The following NALCN variants were observed in gnomAD, a reference collection of about 807,000 sequenced individuals.
NALCN encodes the protein sodium leak channel, non-selective, also known as sodium leak channel NALCN.
In NALCN, 111 loss-of-function variants were observed where a neutral mutation model predicts 225.3. That is an observed-to-expected ratio of 0.49 (90% CI 0.42 to 0.58). The LOEUF (loss-of-function observed/expected upper bound fraction) is 0.58. Among genes scored for constraint, NALCN ranks in the 20% least tolerant of loss-of-function variants. The pLI is 0.00. For missense variants in NALCN, 1,378 were observed against 2,202.4 expected, an observed-to-expected ratio of 0.63 and a Z score of 7.49; for synonymous variants, 764 against 769.0, an observed-to-expected ratio of 0.99 and a Z score of 0.11.
At chr13:101,294,639 G>A (rs1305171888) in intron 7 of NALCN, among the ~76,000 whole-genome samples, 2 of 144,108 alleles carry the variant, frequency 1.4e-5, no homozygotes, top group East Asian at 4.2e-4. Context: ...TGCCGCCAAC[G>A]TACTGGATAT....
At chr13:101,124,186 A>G (rs2036118168) in intron 18 of NALCN, among the ~76,000 whole-genome samples, 1 of 152,212 alleles carries the variant, frequency 6.6e-6, no homozygotes, top group African/African-American at 2.4e-5. Flanking sequence ...TAAGATTGGT[A>G]TACTTTTTAT....
rs763237578 is a variant in NALCN, at chr13:101,068,690, C to T, written c.4330+5G>A. 1 of 1,589,750 alleles carries T rather than the reference C, an allele frequency of 6.3e-7. No individual in the cohort carries two copies. Among genetic ancestry groups the T allele is most frequent in the Non-Finnish European group, 8.5e-7 (1 of 1,169,710 alleles). ...AGTAAAAAGTATTCAACTAACATCA[C>T]TTACCTACAAGCAGATTTAGCATGA... On this transcript the variant is annotated splice_donor_5th_base_variant and intron_variant, in intron 38 of 43. Transcript: ENST00000251127.
At position 101,292,499 on chromosome 13, in the gene NALCN, T is replaced by C. The variant is rs2043590807; in HGVS notation, c.800-133A>G. 1.1e-6 allele frequency: 1 copy of C among 891,772 alleles called. No individual in the cohort carries two copies. The highest frequency in any genetic ancestry group is 1.6e-6 in the Non-Finnish European group (1 of 611,812). The allele number at this position is 891,772 out of a possible 1,614,324, so 55.2% of individuals were successfully genotyped here. On this transcript the variant is annotated intron_variant, in intron 7 of 43. Coordinates refer to ENST00000251127, the MANE Select transcript of NALCN (RefSeq NM_052867.4). This position sits in a 1 kb window ranked among gnomAD's most constrained non-coding sequence, Gnocchi z 4.3. ...AAAGTGCTTCAAAAATTGATTAGAATCACATGCAACACATTTTACTGTTCT... is the reference window on the plus strand; with the variant it reads ...AAAGTGCTTCAAAAATTGATTAGAACCACATGCAACACATTTTACTGTTCT...
chr13:101,134,185 C>CAAACA (rs1566318958), intron 17 of NALCN, among the ~76,000 whole-genome samples: 1 of 150,996 alleles, frequency 6.6e-6, no homozygotes. Context: ...AACAAACAAA[C>CAAACA]AAAAAAAAAG....
intron 10 of NALCN, among the ~76,000 whole-genome samples, chr13:101,266,292 G>GCATAA (rs59666920): frequency 6.6e-6 from 1 of 151,456 alleles, no homozygotes; most frequent in Admixed American, 6.6e-5. Flanking sequence ...GAAATCAGGT[G>GCATAA]GAAGAGATTA....
At chr13:101,239,098 C>T (rs183066907) in intron 11 of NALCN, among the ~76,000 whole-genome samples, 2 of 151,982 alleles carry the variant, frequency 1.3e-5, no homozygotes, top group East Asian at 3.9e-4. Flanking sequence ...CCTTTGCCCA[C>T]GTTTCTCAGG....
intron 7 of NALCN, among the ~76,000 whole-genome samples, chr13:101,335,847 C>G (rs1008461649): frequency 2.0e-5 from 3 of 151,562 alleles, no homozygotes; most frequent in African/African-American, 7.3e-5. Flanking sequence ...TTTCTGTTTT[C>G]TATTTATTTG....
intron 15 of NALCN, among the ~76,000 whole-genome samples, chr13:101,148,748 G>A (rs1346411970): frequency 6.6e-6 from 1 of 152,184 alleles, no homozygotes; most frequent in East Asian, 1.9e-4. Flanking sequence ...TATTGATCAG[G>A]TGGCGGAACT....
At chr13:101,371,357 C>T (rs1201468725) in intron 6 of NALCN, among the ~76,000 whole-genome samples, 2 of 152,110 alleles carry the variant, frequency 1.3e-5, no homozygotes, top group East Asian at 3.9e-4. Context: ...CTCACTCTAT[C>T]ACCCAGGCTG....
At chr13:101,182,911 C>T (rs1323612917) in intron 14 of NALCN, among the ~76,000 whole-genome samples, 1 of 152,180 alleles carries the variant, frequency 6.6e-6, no homozygotes, top group Non-Finnish European at 1.5e-5. Context: ...GGAAGAATGG[C>T]AGCTTGGTGT....
In NALCN at chr13:101,058,038, G is replaced by C; in HGVS notation, c.4924C>G (p.Leu1642Val). Residue 1642 changes from leucine (L) to valine (V), a missense_variant, in exon 43 of 44, where the codon CTC becomes GTC. Leu to Val is a conservative substitution (Grantham distance 32). Around this residue, in one of 19 missense-constraint regions of NALCN, gnomAD observed 145 missense variants for 169.6 expected, o/e 0.85. Transcript: ENST00000251127. ...CGATCCGACAGCGTGGGGCTCAGGA[G>C]CTGCTGCTGGCTGCTTGTCTGCATG... ...MQPETSSQQQLLSPTLSDRGG... is the reference protein window; with the variant it reads ...MQPETSSQQQVLSPTLSDRGG... 1 of 1,612,848 alleles carries C rather than the reference G, an allele frequency of 6.2e-7. No individual in the cohort carries two copies.
chr13:101,207,941 G>A (rs184300457), intron 13 of NALCN, among the ~76,000 whole-genome samples: 1 of 152,292 alleles, frequency 6.6e-6, no homozygotes, highest in East Asian at 1.9e-4. Context: ...CACTCCTGAA[G>A]CCAGCGAGAC....
intron 32 of NALCN, 86 bp from the exon 33 acceptor site, chr13:101,082,969 C>G (rs2033739589): frequency 6.4e-7 from 1 of 1,572,118 alleles, no homozygotes; most frequent in Non-Finnish European, 8.7e-7. Flanking sequence ...TTGCCATTGA[C>G]AGTGAATCTT....
rs112267930 is a variant in NALCN at position 101,258,181 on chromosome 13, A to C, written c.1266+262T>G. On this transcript the variant is annotated intron_variant, in intron 11 of 43. Transcript: ENST00000251127. ...ATAAGAGGTGGATAGGAAAACAGCA[A>C]GATTCTAGAGTAAGACCCAGGGGAA... Among the ~76,000 whole-genome samples the C allele has an allele frequency of 6.0e-3, 912 of 152,276 alleles. 10 individuals carry two copies. The highest frequency in any genetic ancestry group is 0.021 in the African/African-American group (852 of 41,550).
At chr13:101,253,416 G>A (rs1422958209) in intron 11 of NALCN, among the ~76,000 whole-genome samples, 3 of 152,110 alleles carry the variant, frequency 2.0e-5, no homozygotes, top group Non-Finnish European at 2.9e-5. Flanking sequence ...ATGACCTGTT[G>A]TGATCCATTT....
chr13:101,324,924 G>A (rs1180546975), intron 7 of NALCN, among the ~76,000 whole-genome samples: 1 of 152,130 alleles, frequency 6.6e-6, no homozygotes. Flanking sequence ...GTCACAAATA[G>A]CTCTTATTAT....
intron 13 of NALCN, among the ~76,000 whole-genome samples, chr13:101,206,703 A>G (rs2140059389): frequency 6.6e-6 from 1 of 150,620 alleles, no homozygotes; most frequent in Non-Finnish European, 1.5e-5. Context: ...GAAGCATAAA[A>G]TAATTCAAAC....
At chr13:101,228,459 T>C (rs1831874) in intron 13 of NALCN, among the ~76,000 whole-genome samples, 6,617 of 152,214 alleles carry the variant, frequency 0.043, 449 homozygotes, top group African/African-American at 0.15. Flanking sequence ...GTGAGATAAT[T>C]GAATCATGGG....
chr13:101,195,201 G>A (rs529498502), intron 13 of NALCN, among the ~76,000 whole-genome samples: 2 of 152,178 alleles, frequency 1.3e-5, no homozygotes. Flanking sequence ...AGGCAGAGAG[G>A]AAGTTGTTTC....
Sources: allele counts gnomAD v4.1 joint callset (sites outside exome capture counted in the v4.1 genomes callset), GRCh38; gene constraint gnomAD v4.1.1; regional missense constraint gnomAD v4.1.1; non-coding constraint Gnocchi (gnomAD v3.1); transcripts MANE v1.5; gene names NCBI Gene and HGNC (gene_info 2026-07-23, HGNC 2026-07-21).